Variants in GRB10 observed in about 807,000 individuals in gnomAD.
The protein encoded by GRB10 is growth factor receptor-bound protein 10.
In GRB10, 20 loss-of-function variants were observed where a neutral mutation model predicts 80.9. The observed-to-expected ratio is 0.25, with a 90% CI of 0.17 to 0.36. The LOEUF is 0.36. GRB10 is among the 10% of genes least tolerant of loss of function. The pLI is 1.00. For synonymous variants in GRB10, 291 were observed against 291.5 expected, an observed-to-expected ratio of 1.00 and a Z score of 0.02; for missense variants, 548 against 747.7, an observed-to-expected ratio of 0.73 and a Z score of 3.12.
intron 7 of GRB10, among the ~76,000 whole-genome samples, chr7:50,636,879 CA>C (rs1469934282): frequency 1.3e-5 from 2 of 152,164 alleles, no homozygotes; most frequent in African/African-American, 4.8e-5. Flanking sequence ...AAGCCCTAAC[CA>C]GAGCAATCAT....
intron 5 of GRB10, among the ~76,000 whole-genome samples, chr7:50,702,589 A>G (rs960426970): frequency 4.6e-5 from 7 of 152,224 alleles, no homozygotes; most frequent in African/African-American, 1.7e-4. Flanking sequence ...AGGGTTCAAC[A>G]TAGTGACGTG....
At chr7:50,595,611 A>ACACACACACACG in intron 17 of GRB10, 81 bp from the exon 18 acceptor site, 1 of 739,834 alleles carries the variant, frequency 1.4e-6, no homozygotes, top group Admixed American at 1.8e-5. Context: ...TTACACACAC[A>ACACACACACACG]CACACACACA....
chr7:50,620,581 CAG>C (rs2051522964), intron 8 of GRB10, among the ~76,000 whole-genome samples: 1 of 152,160 alleles, frequency 6.6e-6, no homozygotes, highest in African/African-American at 2.4e-5. Context: ...CATTTAAAGC[CAG>C]AGTTTGTGAA....
In GRB10 at chr7:50,705,238, G is replaced by T. The variant is rs988902878; in HGVS notation, c.52-1330C>A. On this transcript the variant is annotated intron_variant, in intron 4 of 18. Transcript: ENST00000401949. ...TAGCCCAGGGGACAGACTCCAGCAG[G>T]GTCAGCTCACCCACATCTACCACTT... The T allele has an allele frequency of 1.2e-5, 12 of 984,938 alleles. No homozygotes were observed. The African/African-American group carries it at 2.1e-4, about 17-fold the overall frequency. The allele number at this position is 984,938 out of a possible 1,614,324, so 61.0% of individuals were successfully genotyped here.
intron 9 of GRB10, among the ~76,000 whole-genome samples, chr7:50,618,605 C>T (rs1270538130): frequency 6.6e-6 from 1 of 152,184 alleles, no homozygotes; most frequent in Non-Finnish European, 1.5e-5. Flanking sequence ...GGTCTTCTCC[C>T]CAGTTGATGC....
intron 7 of GRB10, among the ~76,000 whole-genome samples, chr7:50,658,528 G>A (rs1266383777): frequency 6.6e-6 from 1 of 152,146 alleles, no homozygotes; most frequent in Non-Finnish European, 1.5e-5. Flanking sequence ...GGAGCCTCAC[G>A]TAGATGGCCA....
intron 17 of GRB10, among the ~76,000 whole-genome samples, chr7:50,603,762 G>C (rs879088906): frequency 6.6e-6 from 1 of 152,214 alleles, no homozygotes. Flanking sequence ...TCATACAGAG[G>C]TGAAGGATAA....
intron 5 of GRB10, among the ~76,000 whole-genome samples, chr7:50,692,872 T>C (rs979414607): frequency 5.3e-5 from 8 of 152,086 alleles, no homozygotes; most frequent in Non-Finnish European, 1.0e-4. Flanking sequence ...GAGATGGACT[T>C]TGGCTTTGAT....
intron 5 of GRB10, among the ~76,000 whole-genome samples, chr7:50,703,212 C>G (rs948949224): frequency 2.0e-5 from 3 of 152,244 alleles, no homozygotes; most frequent in Non-Finnish European, 4.4e-5. Flanking sequence ...CCCACCAGCT[C>G]TAGGACCTGT....
At chr7:50,696,376 CACA>C (rs1587006049) in intron 5 of GRB10, among the ~76,000 whole-genome samples, 1 of 152,290 alleles carries the variant, frequency 6.6e-6, no homozygotes, top group African/African-American at 2.4e-5. Flanking sequence ...TTCCAGTTCT[CACA>C]ACAACTTCAC....
At chr7:50,749,382 G>A (rs2073732225) in intron 3 of GRB10, among the ~76,000 whole-genome samples, 1 of 152,056 alleles carries the variant, frequency 6.6e-6, no homozygotes. Context: ...ACCCACCTCA[G>A]CCTTCCAAAG....
intron 12 of GRB10, among the ~76,000 whole-genome samples, chr7:50,613,441 C>T (rs2049951618): frequency 6.6e-6 from 1 of 152,150 alleles, no homozygotes; most frequent in Non-Finnish European, 1.5e-5. Flanking sequence ...GGGGAGAAGA[C>T]AGGTGCCCCT....
At chr7:50,613,891 G>A (rs900548442) in intron 12 of GRB10, among the ~76,000 whole-genome samples, 1 of 152,194 alleles carries the variant, frequency 6.6e-6, no homozygotes, top group African/African-American at 2.4e-5. Context: ...TGTGGCTTGG[G>A]CTATGGCTCA....
At chr7:50,714,682 G>A (rs1235919363) in intron 4 of GRB10, among the ~76,000 whole-genome samples, 1 of 150,772 alleles carries the variant, frequency 6.6e-6, no homozygotes, top group Non-Finnish European at 1.5e-5. Flanking sequence ...AACAAAAAAC[G>A]GAGTGCAATC....
At chr7:50,789,549 G>C (rs1186818761) in intron 1 of GRB10, among the ~76,000 whole-genome samples, 1 of 150,848 alleles carries the variant, frequency 6.6e-6, no homozygotes, top group Non-Finnish European at 1.5e-5. Flanking sequence ...AAATAGAGCA[G>C]AAAAGAAACG....
intron 2 of GRB10, among the ~76,000 whole-genome samples, chr7:50,760,516 T>C (rs1406743965): frequency 6.6e-6 from 1 of 152,216 alleles, no homozygotes; most frequent in Non-Finnish European, 1.5e-5. Context: ...GCAGTTTTTT[T>C]CTTAGAACTA....
At chr7:50,665,698 A>C (rs2059727070) in intron 7 of GRB10, among the ~76,000 whole-genome samples, 1 of 152,216 alleles carries the variant, frequency 6.6e-6, no homozygotes, top group Non-Finnish European at 1.5e-5. Context: ...CTGTAGAAGC[A>C]CCTGGGCAGG....
At chr7:50,785,886 A>C (rs929202482), upstream of GRB10, among the ~76,000 whole-genome samples, 5 of 152,242 alleles carry the variant, frequency 3.3e-5, no homozygotes, top group Non-Finnish European at 7.3e-5. Context: ...TCTATGAAAT[A>C]AGAATATTAT....
chr7:50,715,681 C>T (rs1047795448), intron 4 of GRB10, among the ~76,000 whole-genome samples: 1 of 152,168 alleles, frequency 6.6e-6, no homozygotes, highest in African/African-American at 2.4e-5. Flanking sequence ...AGTTCCAAAG[C>T]TGGGTCTGCA....
Sources: gnomAD v4.1 joint callset for allele counts (sites outside exome capture counted in the v4.1 genomes callset) on GRCh38, gnomAD v4.1.1 for gene constraint, MANE v1.5 for transcripts, NCBI Gene and HGNC (gene_info 2026-07-23, HGNC 2026-07-21) for gene names.